MSH3: variants seen among roughly 807,000 people sequenced by gnomAD.
MSH3 encodes the protein DNA mismatch repair protein Msh3.
In MSH3, 106 loss-of-function variants were observed where a neutral mutation model predicts 123.3. The observed-to-expected ratio is 0.86, with a 90% CI of 0.73 to 1.01. The LOEUF is 1.01. MSH3 is among the 50% of genes least tolerant of loss of function. The pLI is 0.00. For missense variants in MSH3, 1,459 were observed against 1,347.6 expected, an observed-to-expected ratio of 1.08 and a Z score of -1.29; for synonymous variants, 515 against 481.4, an observed-to-expected ratio of 1.07 and a Z score of -0.91.
chr5:80,732,526 T>C (rs1475329697), intron 10 of MSH3, among the ~76,000 whole-genome samples: 1 of 152,130 alleles, frequency 6.6e-6, no homozygotes, highest in Non-Finnish European at 1.5e-5. Flanking sequence ...ATGCACAGGA[T>C]ATTTCCCTAA....
intron 17 of MSH3, among the ~76,000 whole-genome samples, chr5:80,780,658 A>G (rs1414635645): frequency 6.6e-6 from 1 of 152,184 alleles, no homozygotes; most frequent in Non-Finnish European, 1.5e-5. Flanking sequence ...CTTGAGGCCA[A>G]GAATTCAAGA....
At chr5:80,871,907 C>T (rs1389846087) in intron 22 of MSH3, among the ~76,000 whole-genome samples, 2 of 152,136 alleles carry the variant, frequency 1.3e-5, no homozygotes, top group Non-Finnish European at 2.9e-5. Flanking sequence ...TGGCTGTAGG[C>T]TGCCCCAAAG....
At chr5:80,814,123 C>G (rs1341193192) in intron 20 of MSH3, among the ~76,000 whole-genome samples, 1 of 74,728 alleles carries the variant, frequency 1.3e-5, no homozygotes, top group Non-Finnish European at 2.6e-5. Context: ...GAGACCCTGT[C>G]TCAAAGAAAA....
chr5:80,695,007 A>G (rs1268272917), intron 8 of MSH3, among the ~76,000 whole-genome samples: 1 of 143,026 alleles, frequency 7.0e-6, no homozygotes, highest in Non-Finnish European at 1.5e-5. Flanking sequence ...CTGAAAGTTG[A>G]TGTCTCTTGC....
At chr5:80,795,700 T>C (rs1744685599) in intron 19 of MSH3, among the ~76,000 whole-genome samples, 1 of 152,224 alleles carries the variant, frequency 6.6e-6, no homozygotes, top group Admixed American at 6.5e-5. Context: ...AGGAAATTTT[T>C]ATATGTGGTA....
intron 20 of MSH3, among the ~76,000 whole-genome samples, chr5:80,818,035 C>T (rs758190783): frequency 1.3e-5 from 2 of 152,068 alleles, no homozygotes; most frequent in African/African-American, 2.4e-5. Context: ...CAATGGCCAA[C>T]GTGGTGAAAC....
intron 5 of MSH3, 51 bp from the exon 6 acceptor site, chr5:80,672,690 T>C: frequency 2.8e-6 from 4 of 1,426,294 alleles, no homozygotes; most frequent in Non-Finnish European, 4.0e-6. Context: ...AATGAGTTTT[T>C]ACAAGTCATT....
intron 19 of MSH3, among the ~76,000 whole-genome samples, chr5:80,801,931 T>A (rs1186917954): frequency 6.6e-6 from 1 of 152,310 alleles, no homozygotes; most frequent in South Asian, 2.1e-4. Flanking sequence ...ATTTTCACAC[T>A]CTGTTATTTT....
intron 12 of MSH3, among the ~76,000 whole-genome samples, chr5:80,755,720 C>T (rs1347578999): frequency 6.6e-6 from 1 of 152,120 alleles, no homozygotes; most frequent in Non-Finnish European, 1.5e-5. Flanking sequence ...TGGGCTCCTG[C>T]AGATCTTGGT....
chr5:80,725,540 T>A lies in MSH3; in HGVS notation c.1428T>A (p.Tyr476Ter), dbSNP rs1398195482. Residue 476 changes from tyrosine (Y) to a stop codon, truncating the protein, a stop_gained, in exon 9 of 24, where the codon TAT (tyrosine) becomes TAA (stop). Coordinates refer to ENST00000265081, the MANE Select transcript of MSH3 (RefSeq NM_002439.5). LOFTEE classifies it high-confidence loss of function. ...SHAFQAVTEF[Y>*]AKDTVDIKGS... Reference sequence around the variant, plus strand: ...CTTTCCAGGCAGTTACAGAGTTTTATGCAAAAGATACAGTTGACATCAAAG... The same window carrying A: ...CTTTCCAGGCAGTTACAGAGTTTTAAGCAAAAGATACAGTTGACATCAAAG... The A allele has an allele frequency of 1.9e-6, 3 of 1,613,460 alleles. No homozygotes were observed. Among genetic ancestry groups the A allele is most frequent in the African/African-American group, 2.7e-5 (2 of 74,932 alleles).
intron 20 of MSH3, among the ~76,000 whole-genome samples, chr5:80,814,138 AAAAAC>A (rs1239087888): frequency 6.6e-6 from 1 of 151,898 alleles, no homozygotes; most frequent in African/African-American, 2.4e-5. Context: ...AGAAAAAAAA[AAAAAC>A]AAAAACAAAA....
intron 8 of MSH3, among the ~76,000 whole-genome samples, chr5:80,722,370 C>T (rs1751099669): frequency 6.6e-6 from 1 of 152,168 alleles, no homozygotes; most frequent in Non-Finnish European, 1.5e-5. Flanking sequence ...TATAGTATAG[C>T]TTTACTTTAC....
chr5:80,854,058 T>C (rs1304386490), intron 20 of MSH3, 72 bp from the exon 21 acceptor site: 2 of 1,193,054 alleles, frequency 1.7e-6, no homozygotes, highest in Admixed American at 1.8e-5. Context: ...TATTTATTGT[T>C]CATAAAATAA....
At chr5:80,696,294 A>G (rs534145379) in intron 8 of MSH3, among the ~76,000 whole-genome samples, 1 of 152,298 alleles carries the variant, frequency 6.6e-6, no homozygotes, top group South Asian at 2.1e-4. Context: ...CACTGACACA[A>G]TCCCAACTGG....
At chr5:80,686,654 C>G (rs939693051) in intron 8 of MSH3, among the ~76,000 whole-genome samples, 1 of 152,006 alleles carries the variant, frequency 6.6e-6, no homozygotes, top group Admixed American at 6.6e-5. Context: ...TATTTACAAC[C>G]AGTAAACAAT....
intron 2 of MSH3, among the ~76,000 whole-genome samples, chr5:80,661,128 C>T (rs1419159101): frequency 6.6e-6 from 1 of 152,030 alleles, no homozygotes; most frequent in Non-Finnish European, 1.5e-5. Context: ...TTTATTTCTT[C>T]ATTTATTTTT....
At chr5:80,681,412 T>C (rs759502556) in intron 8 of MSH3, among the ~76,000 whole-genome samples, 2 of 151,980 alleles carry the variant, frequency 1.3e-5, no homozygotes, top group Non-Finnish European at 2.9e-5. Context: ...ATTCATACCC[T>C]CTGATCCAGT....
At chr5:80,735,666 G>A (rs1743493232) in intron 10 of MSH3, among the ~76,000 whole-genome samples, 1 of 151,990 alleles carries the variant, frequency 6.6e-6, no homozygotes, top group Non-Finnish European at 1.5e-5. Context: ...ACTCAAGCCT[G>A]GGCGACAGAG....
At chr5:80,807,942 A>C (rs893729420) in intron 19 of MSH3, among the ~76,000 whole-genome samples, 77 of 152,160 alleles carry the variant, frequency 5.1e-4, no homozygotes, top group African/African-American at 1.8e-3. Flanking sequence ...CCAGGCTGGG[A>C]ATTTTTTTTC....
Sources: gnomAD v4.1 joint callset for allele counts (sites outside exome capture counted in the v4.1 genomes callset) on GRCh38, gnomAD v4.1.1 for gene constraint, MANE v1.5 for transcripts, NCBI Gene and HGNC (gene_info 2026-07-23, HGNC 2026-07-21) for gene names.